The following OSBPL10 variants were observed in gnomAD, a reference collection of about 807,000 sequenced individuals.
The protein encoded by OSBPL10 is oxysterol-binding protein-related protein 10.
In OSBPL10, 49 loss-of-function variants were observed where a neutral mutation model predicts 81.7. That is an observed-to-expected ratio of 0.60 (90% CI 0.48 to 0.76). OSBPL10 has a LOEUF of 0.76. Ranked by LOEUF, OSBPL10 falls within the 30% of genes least tolerant of loss-of-function variation. The probability of loss-of-function intolerance (pLI) is 0.00; values close to 1 mark genes in which losing one functional copy is unlikely to be tolerated. For synonymous variants in OSBPL10, 419 were observed against 383.6 expected (o/e 1.09, Z -1.08); for missense variants, 923 against 987.8 (o/e 0.93, Z 0.88).
chr3:31,867,528 G>C (rs995342785), intron 3 of OSBPL10, among the ~76,000 whole-genome samples: 1 of 152,120 alleles, frequency 6.6e-6, no homozygotes, highest in African/African-American at 2.4e-5. Context: ...GATCACTTGA[G>C]GTCGGAAGTT....
intron 3 of OSBPL10, among the ~76,000 whole-genome samples, chr3:31,837,248 A>G (rs1209228677): frequency 1.3e-5 from 2 of 150,206 alleles, no homozygotes; most frequent in Non-Finnish European, 3.0e-5. Flanking sequence ...ACCACCTATC[A>G]TCATAAACAC....
intron 7 of OSBPL10, among the ~76,000 whole-genome samples, chr3:31,684,721 C>T (rs1181462082): frequency 1.3e-5 from 2 of 152,200 alleles, no homozygotes; most frequent in Non-Finnish European, 2.9e-5. Context: ...GGGGCAGGCC[C>T]ATCAGCAGGC....
At chr3:31,688,235 T>C (rs1407129389) in intron 7 of OSBPL10, among the ~76,000 whole-genome samples, 1 of 150,648 alleles carries the variant, frequency 6.6e-6, no homozygotes, top group Admixed American at 6.6e-5. Flanking sequence ...CACGATGTCC[T>C]GACTGACTGC....
At chr3:31,876,170 G>T (rs1027721572) in intron 3 of OSBPL10, among the ~76,000 whole-genome samples, 1 of 152,002 alleles carries the variant, frequency 6.6e-6, no homozygotes, top group Non-Finnish European at 1.5e-5. Context: ...ATTAACAGCT[G>T]CCTAAATTGA....
intron 3 of OSBPL10, among the ~76,000 whole-genome samples, chr3:31,835,372 G>C (rs1045664928): frequency 7.6e-6 from 1 of 131,386 alleles, no homozygotes; most frequent in Non-Finnish European, 1.7e-5. Flanking sequence ...AAATAGAAAA[G>C]ATCAGCTGGT....
At chr3:31,676,484 G>A (rs1001418878) in intron 8 of OSBPL10, among the ~76,000 whole-genome samples, 14 of 151,018 alleles carry the variant, frequency 9.3e-5, no homozygotes, top group South Asian at 4.2e-4. Context: ...AAATTGATTC[G>A]CCAATAAAGG....
chr3:31,885,849 G>T (rs1468745289), intron 1 of OSBPL10, among the ~76,000 whole-genome samples: 1 of 139,722 alleles, frequency 7.2e-6, no homozygotes, highest in African/African-American at 2.7e-5. Context: ...AAAAAAATTA[G>T]CCTGGCATGG....
chr3:31,743,678 C>T (rs949087190), intron 5 of OSBPL10, among the ~76,000 whole-genome samples: 2 of 152,032 alleles, frequency 1.3e-5, no homozygotes, highest in Non-Finnish European at 2.9e-5. Context: ...AAAAACAGTG[C>T]AAGGATCAGA....
At chr3:31,742,507 G>A (rs908613663) in intron 5 of OSBPL10, among the ~76,000 whole-genome samples, 1 of 152,074 alleles carries the variant, frequency 6.6e-6, no homozygotes, top group African/African-American at 2.4e-5. Flanking sequence ...TGTGTTCACG[G>A]GTACCTGTGT....
chr3:31,960,907 T>G (rs1698141416), intron 1 of OSBPL10, among the ~76,000 whole-genome samples: 1 of 152,118 alleles, frequency 6.6e-6, no homozygotes, highest in Non-Finnish European at 1.5e-5. Context: ...GATTACAAGG[T>G]CTAAAAACCT....
At chr3:32,005,222 C>T (rs1699192524) in intron 2 of OSBPL10, among the ~76,000 whole-genome samples, 1 of 152,128 alleles carries the variant, frequency 6.6e-6, no homozygotes, top group South Asian at 2.1e-4. Flanking sequence ...TGCTCTCCCT[C>T]CCCTTGCCCC....
At chr3:31,925,593 A>G (rs1697049797) in intron 1 of OSBPL10, among the ~76,000 whole-genome samples, 1 of 151,870 alleles carries the variant, frequency 6.6e-6, no homozygotes, top group South Asian at 2.1e-4. Flanking sequence ...TGGGGAGATC[A>G]CTTGAGGTCA....
chr3:31,957,214 T>A (rs899187721), intron 1 of OSBPL10, among the ~76,000 whole-genome samples: 16 of 152,174 alleles, frequency 1.1e-4, no homozygotes, highest in Non-Finnish European at 2.9e-5. Flanking sequence ...GAACTTTTTG[T>A]TTTTTTAACT....
intron 1 of OSBPL10, among the ~76,000 whole-genome samples, chr3:31,978,215 T>C (rs760049028): frequency 6.6e-6 from 1 of 152,154 alleles, no homozygotes; most frequent in South Asian, 2.1e-4. Flanking sequence ...TTGGTTGCTA[T>C]AGATTTGTCA....
At position 31,676,651 on chromosome 3, in the gene OSBPL10, C is replaced by G. The variant is rs891492773; in HGVS notation, c.1727-5668G>C. Among the ~76,000 whole-genome samples the G allele has an allele frequency of 3.3e-5, 5 of 152,240 alleles. No homozygotes were observed. The East Asian group carries it at 9.6e-4, about 29-fold the overall frequency. On this transcript the variant is annotated intron_variant, in intron 8 of 11. Coordinates refer to ENST00000396556, the MANE Select transcript of OSBPL10 (RefSeq NM_017784.5). The stretch of plus-strand genomic sequence containing the variant: ...GTTTGCAGACCCGGCAGCATTGGCA[C>G]TCACAAGCCCAGTGGCAATCATGTT...
intron 11 of OSBPL10, 168 bp from the exon 12 acceptor site, chr3:31,662,284 T>C: frequency 7.2e-7 from 1 of 1,388,982 alleles, no homozygotes; most frequent in South Asian, 1.8e-5. Context: ...TCTTTGGAGA[T>C]CTAGATGACC....
At chr3:31,847,909 G>T (rs1700672103) in intron 3 of OSBPL10, among the ~76,000 whole-genome samples, 1 of 152,058 alleles carries the variant, frequency 6.6e-6, no homozygotes, top group Admixed American at 6.5e-5. Flanking sequence ...CACACAGCGG[G>T]GCTGCCTGTG....
chr3:31,801,143 C>A (rs6550070), intron 4 of OSBPL10, among the ~76,000 whole-genome samples: 117,514 of 152,080 alleles, frequency 0.77, 45,661 homozygotes, highest in African/African-American at 0.86. Context: ...TGGATACTGA[C>A]TGTCAGGTAC....
chr3:31,770,024 C>T (rs1369461520), intron 4 of OSBPL10, among the ~76,000 whole-genome samples: 1 of 152,106 alleles, frequency 6.6e-6, no homozygotes, highest in East Asian at 1.9e-4. Flanking sequence ...CATTTTCCTC[C>T]TAAGGAAAGA....
Sources: gnomAD v4.1 joint callset for allele counts (sites outside exome capture counted in the v4.1 genomes callset) on GRCh38, gnomAD v4.1.1 for gene constraint, MANE v1.5 for transcripts, NCBI Gene and HGNC (gene_info 2026-07-23, HGNC 2026-07-21) for gene names.